Variants in STS observed in about 807,000 individuals in gnomAD.
STS encodes steroid sulfatase.
Under a neutral mutation model 26.8 loss-of-function variants are expected in STS, and 7 were observed. That is an observed-to-expected ratio of 0.26 (90% CI 0.15 to 0.49). STS has a LOEUF of 0.49. Ranked by LOEUF, STS falls within the 20% of genes least tolerant of loss-of-function variation. The pLI, the probability that STS is intolerant of heterozygous loss-of-function variation, is 0.98. For missense variants in STS, 434 were observed against 465.6 expected, an observed-to-expected ratio of 0.93 and a Z score of 0.63; for synonymous variants, 199 against 189.4, an observed-to-expected ratio of 1.05 and a Z score of -0.42.
At chrX:7,282,779 G>T (rs1467861110) in intron 7 of STS, among the ~76,000 whole-genome samples, 1 of 112,201 alleles carries the variant, frequency 8.9e-6, no homozygotes, top group Non-Finnish European at 1.9e-5. Context: ...TGGCGGTCAG[G>T]TGCCTGATAT....
chrX:7,240,455 G>A (rs1314602198), intron 2 of STS, among the ~76,000 whole-genome samples: 1 of 72,503 alleles, frequency 1.4e-5, no homozygotes, highest in Non-Finnish European at 2.8e-5. Flanking sequence ...CTTCTCCAAG[G>A]AGCGCGCGCG....
At chrX:7,174,456 C>T (rs1221187153) in intron 1 of STS, among the ~76,000 whole-genome samples, 1 of 111,765 alleles carries the variant, frequency 8.9e-6, no homozygotes, top group Non-Finnish European at 1.9e-5. Context: ...ACTGTAATAA[C>T]AGACATATTT....
At chrX:7,289,893 A>G (rs1925328433) in intron 7 of STS, among the ~76,000 whole-genome samples, 1 of 111,344 alleles carries the variant, frequency 9.0e-6, no homozygotes, top group Non-Finnish European at 1.9e-5. Flanking sequence ...GAGCTCAGTC[A>G]GTTCACCCAC....
intron 1 of STS, among the ~76,000 whole-genome samples, chrX:7,161,710 G>T (rs1933249009): frequency 8.9e-6 from 1 of 112,054 alleles, no homozygotes; most frequent in Middle Eastern, 4.2e-3. Flanking sequence ...CGAGCAGATT[G>T]AGTTGGAGGA....
chrX:7,165,999 TGTC>T, intron 1 of STS, among the ~76,000 whole-genome samples: 1 of 107,873 alleles, frequency 9.3e-6, no homozygotes, highest in South Asian at 4.0e-4. Flanking sequence ...TCTCTGTCGC[TGTC>T]TTTTTTTTTT....
chrX:7,352,447 C>T lies in STS; in HGVS notation c.*2186C>T, dbSNP rs930313517. 1 of 112,270 alleles carries T rather than the reference C, an allele frequency of 8.9e-6. No homozygotes were observed. Among genetic ancestry groups the T allele is most frequent in the Non-Finnish European group, 1.9e-5 (1 of 53,291 alleles). The allele number at this position is 112,270 out of a possible 1,213,427, so 9.3% of individuals were successfully genotyped here. ...AAATAATTGAGATCACATTTCAGGACATTTGGAAATCAGGTCGATTTGTGG... is the reference window on the plus strand; with the variant it reads ...AAATAATTGAGATCACATTTCAGGATATTTGGAAATCAGGTCGATTTGTGG... On this transcript the variant is annotated 3_prime_UTR_variant, in exon 11 of 11. Coordinates refer to ENST00000674429, the MANE Select transcript of STS (RefSeq NM_001320752.2).
In STS at chrX:7,255,098, A is replaced by G. The variant is rs761653162; in HGVS notation, c.137+1762A>G. On this transcript the variant is annotated intron_variant, in intron 3 of 10. Coordinates refer to ENST00000674429, the MANE Select transcript of STS (RefSeq NM_001320752.2). ...TATTAAGGAAAATCTTTCCCACAAG[A>G]CATAGCCAAATATGTCTCACTTTCA... is the stretch of plus-strand genomic sequence containing the variant. Among the ~76,000 whole-genome samples the G allele has an allele frequency of 2.7e-5, 3 of 112,666 alleles. No homozygotes were observed. The South Asian group carries it at 1.1e-3, about 41-fold the overall frequency.
At chrX:7,197,694 T>TTCTGG (rs1200729936) in intron 2 of STS, among the ~76,000 whole-genome samples, 2 of 111,732 alleles carry the variant, frequency 1.8e-5, no homozygotes, top group Non-Finnish European at 3.8e-5. Flanking sequence ...ACACTCCCAG[T>TTCTGG]TCTGGGTCTG....
chrX:7,185,269 T>G (rs1436901134), intron 1 of STS, among the ~76,000 whole-genome samples: 1 of 113,027 alleles, frequency 8.8e-6, no homozygotes, highest in Non-Finnish European at 1.9e-5. Context: ...ATTCTAACCC[T>G]ATCATCTAGG....
intron 2 of STS, among the ~76,000 whole-genome samples, chrX:7,224,732 A>T (rs984658811): frequency 2.0e-4 from 23 of 112,233 alleles, no homozygotes; most frequent in African/African-American, 7.1e-4. Context: ...CCACGATAGC[A>T]GCCCAAATAG....
At chrX:7,177,011 C>T (rs1287404122) in intron 1 of STS, among the ~76,000 whole-genome samples, 2 of 111,722 alleles carry the variant, frequency 1.8e-5, no homozygotes, top group African/African-American at 6.5e-5. Flanking sequence ...TTTCCCACAG[C>T]GTGTATCATT....
chrX:7,168,427 T>G (rs754342754), intron 1 of STS, among the ~76,000 whole-genome samples: 1 of 112,134 alleles, frequency 8.9e-6, no homozygotes, highest in East Asian at 2.8e-4. Flanking sequence ...CCCTACATAA[T>G]TGAATATTTT....
chrX:7,313,924 A>C (rs1926593253), intron 8 of STS, among the ~76,000 whole-genome samples: 1 of 112,141 alleles, frequency 8.9e-6, no homozygotes, highest in Non-Finnish European at 1.9e-5. Context: ...TTGGGAATTC[A>C]GAGAACCTTC....
At chrX:7,210,376 A>G (rs1920993921) in intron 2 of STS, among the ~76,000 whole-genome samples, 1 of 110,242 alleles carries the variant, frequency 9.1e-6, no homozygotes, top group South Asian at 3.7e-4. Flanking sequence ...TGATGATCAG[A>G]GAATATGCAT....
chrX:7,173,795 A>C (rs973465593), intron 1 of STS, among the ~76,000 whole-genome samples: 2 of 111,632 alleles, frequency 1.8e-5, no homozygotes, highest in African/African-American at 6.5e-5. Context: ...GTTGTGATCA[A>C]CTCTTTTCTT....
intron 8 of STS, among the ~76,000 whole-genome samples, chrX:7,322,712 A>G (rs1308113809): frequency 1.2e-4 from 13 of 111,886 alleles, no homozygotes; most frequent in Non-Finnish European, 2.3e-4. Flanking sequence ...GATTTTCTCT[A>G]TAGATTCAAA....
intron 9 of STS, among the ~76,000 whole-genome samples, chrX:7,325,765 G>A (rs568661479): frequency 1.8e-5 from 2 of 112,419 alleles, no homozygotes; most frequent in African/African-American, 3.2e-5. Flanking sequence ...TATGGGCAGT[G>A]TGTAGAAGTA....
chrX:7,297,846 A>G (rs1378983188), intron 7 of STS, among the ~76,000 whole-genome samples: 1 of 111,312 alleles, frequency 9.0e-6, no homozygotes, highest in Admixed American at 9.6e-5. Flanking sequence ...GATAGGAGCC[A>G]CTCTTCTCTT....
intron 8 of STS, among the ~76,000 whole-genome samples, chrX:7,319,992 A>ATATATTTT (rs1926905110): frequency 7.7e-5 from 7 of 91,301 alleles, no homozygotes; most frequent in African/African-American, 3.0e-4. Flanking sequence ...ATATATTTAT[A>ATATATTTT]TATATATTTT....
Sources: allele counts gnomAD v4.1 joint callset (sites outside exome capture counted in the v4.1 genomes callset), GRCh38; gene constraint gnomAD v4.1.1; transcripts MANE v1.5; gene names NCBI Gene and HGNC (gene_info 2026-07-23, HGNC 2026-07-21).